Variants in LIMCH1 observed in about 807,000 individuals in gnomAD.
LIMCH1 encodes LIM and calponin homology domains-containing protein 1.
LIMCH1 carries 113 observed loss-of-function variants against 176.5 expected under a neutral mutation model. The observed-to-expected ratio is 0.64, with a 90% CI of 0.55 to 0.75. LIMCH1 has a LOEUF of 0.75. Among genes scored for constraint, LIMCH1 ranks in the 30% least tolerant of loss-of-function variants. LIMCH1 has a pLI of 0.00. For missense variants in LIMCH1, 1,674 were observed against 1,814.9 expected (o/e 0.92, Z 1.41); for synonymous variants, 619 against 645.9 (o/e 0.96, Z 0.63).
At chr4:41,448,266 C>T (rs2063484530) in intron 1 of LIMCH1, among the ~76,000 whole-genome samples, 1 of 152,190 alleles carries the variant, frequency 6.6e-6, no homozygotes. Flanking sequence ...TTTAGGTTCG[C>T]TTTAGGTTGG....
rs2092981061 is a variant in LIMCH1 at position 41,626,770 on chromosome 4, C to T, written c.788C>T (p.Ser263Phe). 4.6e-6 allele frequency: 7 copies of T among 1,536,374 alleles called. No individual in the cohort carries two copies. In the South Asian group the frequency reaches 5.9e-5, roughly 13 times the overall value. The change falls in exon 8 of 32, where the codon TCT becomes TTT. Residue 263 changes from serine (S) to phenylalanine (F), a missense_variant. By Grantham distance (155) the Ser-to-Phe change is radical (BLOSUM62 -2). Transcript: ENST00000503057. Reference protein sequence around the residue: ...IRDIVLRKENSFLTHQHGNDS... With the variant: ...IRDIVLRKENFFLTHQHGNDS... Reference sequence around the variant, plus strand: ...GATATTGTCCTTCGCAAAGAAAACTCTTTCCTGACCCACCAACATGGCAAC... The same window carrying T: ...GATATTGTCCTTCGCAAAGAAAACTTTTTCCTGACCCACCAACATGGCAAC...
Position 41,668,467 on chromosome 4 carries a change from AT to A in LIMCH1, c.3397+1805del, listed in dbSNP as rs1358897273. ...TAAGTGGTATAGAGAGGGAATAAAT[AT>A]TTTAAGCCATTTTAAAGCCATGTTT... On this transcript the variant is annotated intron_variant, in intron 21 of 31. Coordinates refer to ENST00000503057, the MANE Select transcript of LIMCH1 (RefSeq NM_001330672.2). 7.4e-4 allele frequency among the ~76,000 whole-genome samples: 113 copies of A among 152,310 alleles called. 1 individual carries two copies. Among genetic ancestry groups the A allele is most frequent in the Non-Finnish European group, 1.0e-3 (70 of 68,030 alleles).
At chr4:41,582,825 A>G (rs1051720678) in intron 1 of LIMCH1, among the ~76,000 whole-genome samples, 30 of 152,148 alleles carry the variant, frequency 2.0e-4, no homozygotes, top group African/African-American at 6.8e-4. Context: ...CTTCAGCAGT[A>G]TTTTTATAAG....
chr4:41,399,830 T>C lies in LIMCH1; in HGVS notation c.96+38894T>C, dbSNP rs368299810. Among the ~76,000 whole-genome samples the C allele has an allele frequency of 7.3e-3, 1,035 of 141,094 alleles. 12 individuals are homozygous for C. Among genetic ancestry groups the C allele is most frequent in the African/African-American group, 0.027 (939 of 35,164 alleles). The allele number at this position is 141,094 out of a possible 152,430, so 92.6% of individuals were successfully genotyped here. On this transcript the variant is annotated intron_variant, in intron 1 of 26. Coordinates refer to the LIMCH1 transcript ENST00000313860. ...CCGAGTAGCTGGGAGTGTGCCACCA[T>C]GCCCGGCTAATTTTTTTTTTTTTTT...
intron 1 of LIMCH1, among the ~76,000 whole-genome samples, chr4:41,582,322 A>C (rs1264298500): frequency 1.3e-5 from 2 of 152,234 alleles, no homozygotes; most frequent in South Asian, 4.1e-4. Context: ...ATGGAAAACT[A>C]GATGGAAGAT....
chr4:41,642,737 C>CT (rs368906535), intron 14 of LIMCH1, among the ~76,000 whole-genome samples: 8,059 of 136,334 alleles, frequency 0.059, 296 homozygotes, highest in African/African-American at 0.084. Context: ...TTTCTTTTTT[C>CT]TTTTTTTTTT....
chr4:41,547,471 C>G (rs1321726184), intron 1 of LIMCH1, among the ~76,000 whole-genome samples: 1 of 151,222 alleles, frequency 6.6e-6, no homozygotes, highest in Non-Finnish European at 1.5e-5. Flanking sequence ...AGCTTCATCC[C>G]CTGTCTTAGC....
At chr4:41,426,575 A>G (rs1161890976) in intron 1 of LIMCH1, among the ~76,000 whole-genome samples, 1 of 152,228 alleles carries the variant, frequency 6.6e-6, no homozygotes, top group Non-Finnish European at 1.5e-5. Flanking sequence ...TGCCTTTCAT[A>G]TTTGAAGATA....
intron 1 of LIMCH1, among the ~76,000 whole-genome samples, chr4:41,589,327 G>A (rs1396628577): frequency 1.3e-5 from 2 of 152,176 alleles, no homozygotes; most frequent in Non-Finnish European, 2.9e-5. Flanking sequence ...GAGCTCACCT[G>A]GCATGTCTGA....
intron 1 of LIMCH1, among the ~76,000 whole-genome samples, chr4:41,447,296 A>G (rs1303254179): frequency 6.6e-6 from 1 of 152,192 alleles, no homozygotes; most frequent in African/African-American, 2.4e-5. Flanking sequence ...TTGCATTTCA[A>G]GAGGAGCGAG....
At chr4:41,360,646 CCGGG>C (rs1016291287), upstream of LIMCH1, 1 of 302,188 alleles carries the variant, frequency 3.3e-6, no homozygotes, top group African/African-American at 2.2e-5. The surrounding 1 kb of genome is among the most constrained non-coding windows in gnomAD (Gnocchi z 4.5). Context: ...GCGTTGGAGC[CCGGG>C]CGGCGCCGGG....
At chr4:41,443,529 G>T (rs1405518917) in intron 1 of LIMCH1, among the ~76,000 whole-genome samples, 1 of 152,142 alleles carries the variant, frequency 6.6e-6, no homozygotes, top group Non-Finnish European at 1.5e-5. Flanking sequence ...CTTCTTTCAT[G>T]CTGTAAAGCT....
intron 31 of LIMCH1, chr4:41,692,790 T>A (rs1341156976): frequency 6.0e-6 from 1 of 167,550 alleles, no homozygotes; most frequent in Non-Finnish European, 1.3e-5. Context: ...GAGCACCAAC[T>A]CATCAATGTC....
intron 1 of LIMCH1, among the ~76,000 whole-genome samples, chr4:41,472,532 A>C (rs1055199511): frequency 6.6e-6 from 1 of 151,696 alleles, no homozygotes; most frequent in Non-Finnish European, 1.5e-5. Context: ...TGATCCTCCC[A>C]TCTCAGTCTC....
chr4:41,413,174 T>C (rs2059631954), intron 1 of LIMCH1, among the ~76,000 whole-genome samples: 1 of 151,898 alleles, frequency 6.6e-6, no homozygotes, highest in South Asian at 2.1e-4. Flanking sequence ...TTAAAAAAAC[T>C]AACAGAGAGC....
At chr4:41,493,680 G>T (rs1174246980) in intron 1 of LIMCH1, among the ~76,000 whole-genome samples, 1 of 152,136 alleles carries the variant, frequency 6.6e-6, no homozygotes, top group Non-Finnish European at 1.5e-5. Context: ...TTCCCCCATG[G>T]ATATTGAGGG....
At chr4:41,425,441 G>T (rs2154133145) in intron 1 of LIMCH1, among the ~76,000 whole-genome samples, 1 of 152,280 alleles carries the variant, frequency 6.6e-6, no homozygotes, top group South Asian at 2.1e-4. Context: ...CCGCCTCCCG[G>T]GTTCAAGCGA....
intron 21 of LIMCH1, among the ~76,000 whole-genome samples, chr4:41,669,606 C>G (rs934210028): frequency 2.0e-5 from 3 of 152,100 alleles, no homozygotes; most frequent in Non-Finnish European, 4.4e-5. Flanking sequence ...AACCACTGGC[C>G]TCAAGTATTT....
chr4:41,367,684 C>CAAAAAAAA (rs35832745), intron 1 of LIMCH1, among the ~76,000 whole-genome samples: 1,064 of 96,464 alleles, frequency 0.011, 3 homozygotes, highest in Middle Eastern at 0.016. Context: ...ACTAAAAATC[C>CAAAAAAAA]AAAAAAAAAA....
Sources: allele counts gnomAD v4.1 joint callset (sites outside exome capture counted in the v4.1 genomes callset), GRCh38; gene constraint gnomAD v4.1.1; non-coding constraint Gnocchi (gnomAD v3.1); transcripts MANE v1.5; gene names NCBI Gene and HGNC (gene_info 2026-07-23, HGNC 2026-07-21).